CDH8: variants seen among roughly 807,000 people sequenced by gnomAD.
CDH8 encodes cadherin 8, also known as cadherin-8.
In CDH8, 17 loss-of-function variants were observed where a neutral mutation model predicts 68.1. That is an observed-to-expected ratio of 0.25 (90% CI 0.17 to 0.37). CDH8 has a LOEUF of 0.37. Ranked by LOEUF, CDH8 falls within the 10% of genes least tolerant of loss-of-function variation. The probability of loss-of-function intolerance (pLI) is 1.00; values close to 1 mark genes in which losing one functional copy is unlikely to be tolerated. For missense variants in CDH8, 763 were observed against 999.3 expected (o/e 0.76, Z 3.19); for synonymous variants, 372 against 365.1 (o/e 1.02, Z -0.21).
intron 2 of CDH8, among the ~76,000 whole-genome samples, chr16:61,996,993 T>C (rs1965813801): frequency 6.6e-6 from 1 of 150,888 alleles, no homozygotes; most frequent in Non-Finnish European, 1.5e-5. Context: ...CCACAGAATA[T>C]TGTGTGTATG....
chr16:61,939,484 A>T (rs1964678668), intron 2 of CDH8, among the ~76,000 whole-genome samples: 2 of 152,176 alleles, frequency 1.3e-5, no homozygotes, highest in South Asian at 4.1e-4. Context: ...CATTGGGTAA[A>T]TATTCACCAG....
intron 3 of CDH8, 118 bp from the exon 4 acceptor site, chr16:61,857,356 T>G (rs1013940156): frequency 5.0e-5 from 46 of 915,136 alleles, no homozygotes; most frequent in Non-Finnish European, 7.1e-5. Flanking sequence ...GGAAAAGAAA[T>G]CTTTTTAAAA....
chr16:61,676,628 A>T (rs529886007), intron 10 of CDH8, among the ~76,000 whole-genome samples: 1 of 152,244 alleles, frequency 6.6e-6, no homozygotes, highest in African/African-American at 2.4e-5. Context: ...TTAAAGGTCA[A>T]CCACAACAAT....
chr16:61,706,754 G>A (rs1021893330), intron 10 of CDH8, among the ~76,000 whole-genome samples: 1 of 152,088 alleles, frequency 6.6e-6, no homozygotes, highest in Non-Finnish European at 1.5e-5. Context: ...TCATTGCCTG[G>A]TGTTTTTCTG....
At chr16:61,749,666 C>G (rs1001128365) in intron 8 of CDH8, among the ~76,000 whole-genome samples, 1 of 151,988 alleles carries the variant, frequency 6.6e-6, no homozygotes, top group Non-Finnish European at 1.5e-5. Context: ...AAGCACCAAG[C>G]AAACTGCAGT....
At chr16:61,829,770 A>G (rs2143003321) in intron 4 of CDH8, among the ~76,000 whole-genome samples, 1 of 151,940 alleles carries the variant, frequency 6.6e-6, no homozygotes, top group Non-Finnish European at 1.5e-5. Flanking sequence ...GCTTCAATTC[A>G]AACTGAATAA....
chr16:61,831,500 T>G (rs1027012053), intron 4 of CDH8, among the ~76,000 whole-genome samples: 16 of 151,862 alleles, frequency 1.1e-4, no homozygotes, highest in African/African-American at 3.6e-4. Flanking sequence ...TTCCTCTTAG[T>G]GCTCAACAGC....
In CDH8 at chr16:61,789,370, T is replaced by A. The variant is rs1304094380; in HGVS notation, c.1390A>T (p.Ile464Leu). The change falls in exon 8 of 12, where the codon ATA (isoleucine) becomes TTA (leucine). Residue 464 changes from isoleucine to leucine, a missense_variant. Ile to Leu is a conservative substitution (Grantham distance 5). Coordinates refer to ENST00000577390, the MANE Select transcript of CDH8 (RefSeq NM_001796.5). ...CTAATTTCAGTAGCAATGATTGTTATGTTGTGCCATACACTTAATTCTCTG... is the reference window on the plus strand; with the variant it reads ...CTAATTTCAGTAGCAATGATTGTTAAGTTGTGCCATACACTTAATTCTCTG... ...LDRELSVWHN[I>L]TIIATEIRNH... The A allele has an allele frequency of 3.1e-6, 5 of 1,612,162 alleles. No individual in the cohort carries two copies. The African/African-American group carries it at 6.7e-5, about 22-fold the overall frequency.
At chr16:61,844,991 G>C (rs759250495) in intron 4 of CDH8, among the ~76,000 whole-genome samples, 2 of 152,150 alleles carry the variant, frequency 1.3e-5, no homozygotes, top group African/African-American at 2.4e-5. Context: ...AAGTCATACA[G>C]AGAGCAAAGT....
At chr16:61,914,345 G>A (rs1964204410) in intron 2 of CDH8, among the ~76,000 whole-genome samples, 1 of 152,160 alleles carries the variant, frequency 6.6e-6, no homozygotes, top group South Asian at 2.1e-4. Context: ...CAAAATGATG[G>A]CTGCAGTTTG....
At chr16:61,979,805 T>A (rs995318561) in intron 2 of CDH8, among the ~76,000 whole-genome samples, 1 of 152,226 alleles carries the variant, frequency 6.6e-6, no homozygotes, top group African/African-American at 2.4e-5. Context: ...GCATGCATTT[T>A]ATGCCAGATA....
Position 61,821,086 on chromosome 16 carries a change from T to A in CDH8, c.863A>T (p.Asp288Val). The A allele has an allele frequency of 6.2e-7, 1 of 1,612,230 alleles. No individual in the cohort carries two copies. The highest frequency in any genetic ancestry group is 8.5e-7 in the Non-Finnish European group (1 of 1,178,912). Residue 288 changes from aspartate to valine, a missense_variant, in exon 6 of 12, where the codon GAT (aspartate) becomes GTT (valine). By Grantham distance (152) the Asp-to-Val change is radical. This residue lies in a region of CDH8 where 366 missense variants were observed against 563.1 expected (regional missense o/e 0.65). Transcript: ENST00000577390. ...TCCTATTGCAGTGCCAAGAACCACATCTTCCGGTACTGAGAAGTGATACAG... is the reference window on the plus strand; with the variant it reads ...TCCTATTGCAGTGCCAAGAACCACAACTTCCGGTACTGAGAAGTGATACAG... The part of the protein sequence containing the change: ...QSLYHFSVPE[D>V]VVLGTAIGRV...
intron 8 of CDH8, among the ~76,000 whole-genome samples, chr16:61,746,580 C>T (rs1183678756): frequency 6.6e-6 from 1 of 151,462 alleles, no homozygotes; most frequent in East Asian, 1.9e-4. Flanking sequence ...CACACACACA[C>T]ACACACACAC....
At chr16:61,817,043 C>A (rs2142999979) in intron 7 of CDH8, among the ~76,000 whole-genome samples, 1 of 152,084 alleles carries the variant, frequency 6.6e-6, no homozygotes, top group Middle Eastern at 3.4e-3. Context: ...TGGTCTCGTG[C>A]CTCTAAATTC....
chr16:61,655,415 A>G lies in CDH8; in HGVS notation c.1906+55T>C, dbSNP rs1387568627. The G allele has an allele frequency of 3.8e-6, 6 of 1,583,174 alleles. No homozygotes were observed. In the East Asian group the frequency reaches 6.7e-5, roughly 18 times the overall value. On this transcript the variant is annotated intron_variant, in intron 11 of 11. Transcript: ENST00000577390. ...ATCAGAGTTTTCTGTCCTTATTTAC[A>G]GTCATTTATGAATCAGAAAAAGGGT...
intron 3 of CDH8, among the ~76,000 whole-genome samples, chr16:61,893,299 T>G (rs1375056689): frequency 2.0e-5 from 3 of 152,146 alleles, no homozygotes; most frequent in Non-Finnish European, 4.4e-5. Flanking sequence ...TCAATTTAAC[T>G]AATGACATCT....
chr16:61,825,193 T>C lies in CDH8; in HGVS notation c.668-14A>G, dbSNP rs776907247. 2.5e-6 allele frequency: 4 copies of C among 1,594,974 alleles called. No homozygotes were observed. Among genetic ancestry groups the C allele is most frequent in the Middle Eastern group, 1.7e-4 (1 of 5,946 alleles). On this transcript the variant is annotated splice_polypyrimidine_tract_variant and intron_variant, in intron 4 of 11. Transcript: ENST00000577390. The stretch of plus-strand genomic sequence containing the variant: ...TTTTTATAATAGCTGAGGGGGAAAA[T>C]GGAAGAATGACTTTCAGTCACAGAG...
At chr16:61,998,927 A>G (rs908707027) in intron 2 of CDH8, among the ~76,000 whole-genome samples, 1 of 152,222 alleles carries the variant, frequency 6.6e-6, no homozygotes, top group African/African-American at 2.4e-5. Flanking sequence ...GATCTAAGAA[A>G]TTGGAAGGAT....
chr16:61,780,787 A>AT (rs1961030178), intron 8 of CDH8, among the ~76,000 whole-genome samples: 1 of 152,188 alleles, frequency 6.6e-6, no homozygotes, highest in African/African-American at 2.4e-5. Flanking sequence ...AGTAATTTCA[A>AT]TTTTTTTAAT....
Sources: gnomAD v4.1 joint callset for allele counts (sites outside exome capture counted in the v4.1 genomes callset) on GRCh38, gnomAD v4.1.1 for gene constraint, gnomAD v4.1.1 regional missense constraint, MANE v1.5 for transcripts, NCBI Gene and HGNC (gene_info 2026-07-23, HGNC 2026-07-21) for gene names.